Variants in SETD1B observed in about 807,000 individuals in gnomAD.
SETD1B encodes the protein SET domain containing 1B, histone lysine methyltransferase.
SETD1B carries 7 observed loss-of-function variants against 148.0 expected under a neutral mutation model. The observed-to-expected ratio is 0.05, with a 90% CI of 0.03 to 0.09. SETD1B has a LOEUF of 0.09. SETD1B is among the 10% of genes least tolerant of loss of function. The pLI is 1.00. For missense variants in SETD1B, 2,155 were observed against 2,729.9 expected (o/e 0.79, Z 4.69); for synonymous variants, 1,361 against 1,186.5 (o/e 1.15, Z -3.02).
chr12:121,806,162 C>T, intron 4 of SETD1B, 57 bp downstream of exon 4: 2 of 1,522,302 alleles, frequency 1.3e-6, no homozygotes, highest in Middle Eastern at 1.9e-4. Flanking sequence ...CTTTCCCTCC[C>T]CACCCTTCCT....
intron 4 of SETD1B, among the ~76,000 whole-genome samples, chr12:121,807,317 G>A (rs565218515): frequency 6.6e-6 from 1 of 151,882 alleles, no homozygotes; most frequent in Non-Finnish European, 1.5e-5. Flanking sequence ...GGTTGGGGGG[G>A]CAGTGAGGAC....
chr12:121,814,006 C>A, intron 6 of SETD1B, 100 bp from the exon 7 acceptor site: 1 of 989,032 alleles, frequency 1.0e-6, no homozygotes, highest in Non-Finnish European at 1.5e-6. Context: ...CTGGGTCACA[C>A]AGCTGGGAGT....
chr12:121,812,978 A>G (rs187148678), intron 6 of SETD1B, among the ~76,000 whole-genome samples: 3 of 138,536 alleles, frequency 2.2e-5, no homozygotes, highest in African/African-American at 8.1e-5. Context: ...AGGTCCCCCC[A>G]CCCCAAGTCC....
intron 16 of SETD1B, among the ~76,000 whole-genome samples, chr12:121,829,865 T>C (rs1177048100): frequency 2.0e-5 from 3 of 152,284 alleles, no homozygotes; most frequent in South Asian, 4.1e-4. Flanking sequence ...TGGGAAATAA[T>C]TTTTATCATC....
Position 121,814,571 on chromosome 12 carries a change from A to G in SETD1B, c.2356A>G (p.Met786Val). 1.3e-6 allele frequency: 2 copies of G among 1,510,824 alleles called. No homozygotes were observed. Among genetic ancestry groups the G allele is most frequent in the Non-Finnish European group, 1.8e-6 (2 of 1,124,760 alleles). 93.6% of individuals were successfully genotyped at this position (1,510,824 alleles called of 1,614,324 possible). ...QMQTQVLSRL[M>V]TGQGACPYPP... Reference sequence around the variant, plus strand: ...GCAAACGCAGGTGCTCAGCCGGCTGATGACGGGCCAGGGCGCCTGCCCCTA... The same window carrying G: ...GCAAACGCAGGTGCTCAGCCGGCTGGTGACGGGCCAGGGCGCCTGCCCCTA... The change falls in exon 7 of 17, where the codon ATG becomes GTG. Residue 786 changes from methionine (M) to valine (V), a missense_variant. Coordinates refer to ENST00000604567, the MANE Select transcript of SETD1B (RefSeq NM_001353345.2).
At chr12:121,798,869 T>G in the SETD1B span, among the ~76,000 whole-genome samples, 1 of 152,328 alleles carries the variant, frequency 6.6e-6, no homozygotes, top group Non-Finnish European at 1.5e-5. Context: ...GATGGGAAAC[T>G]ATTCAATACA....
chr12:121,819,685 G>A lies in SETD1B; in HGVS notation c.3700G>A (p.Val1234Met). 3.9e-6 allele frequency: 6 copies of A among 1,551,268 alleles called. No individual in the cohort carries two copies. Among genetic ancestry groups the A allele is most frequent in the Non-Finnish European group, 5.2e-6 (6 of 1,147,000 alleles). ...GGACTCGTTGGGCATGGAAGAGGAG[G>A]TGGACATCGAGACTGAGGCTGTGGC... ...AVDSLGMEEE[V>M]DIETEAVAPE... The change falls in exon 11 of 17, where the codon GTG (valine) becomes ATG (methionine). Residue 1234 changes from valine to methionine, a missense_variant. Transcript: ENST00000604567.
Position 121,814,397 on chromosome 12 carries a change from C to A in SETD1B, c.2182C>A (p.Pro728Thr). The change falls in exon 7 of 17, where the codon CCA becomes ACA. Residue 728 changes from proline to threonine, a missense_variant. By Grantham distance (38) the Pro-to-Thr change is conservative. Coordinates refer to ENST00000604567, the MANE Select transcript of SETD1B (RefSeq NM_001353345.2). ...PAHPAVTVPPPPLPAPPGVPP... is the reference protein window; with the variant it reads ...PAHPAVTVPPTPLPAPPGVPP... The stretch of plus-strand genomic sequence containing the variant: ...CCACCCTGCTGTGACAGTGCCCCCA[C>A]CACCCTTGCCAGCGCCGCCTGGAGT... 7.3e-7 allele frequency: 1 copy of A among 1,373,594 alleles called. No individual in the cohort carries two copies. Among genetic ancestry groups the A allele is most frequent in the Non-Finnish European group, 9.6e-7 (1 of 1,046,612 alleles). The allele number at this position is 1,373,594 out of a possible 1,614,324, so 85.1% of individuals were successfully genotyped here.
At chr12:121,807,943 T>G in intron 4 of SETD1B, among the ~76,000 whole-genome samples, 1 of 151,474 alleles carries the variant, frequency 6.6e-6, no homozygotes, top group African/African-American at 2.4e-5. Flanking sequence ...CACCTCTGGG[T>G]TTGGGTTTGG....
At position 121,817,062 on chromosome 12, in the gene SETD1B, G is replaced by C. The variant is rs1194163782; in HGVS notation, c.2745G>C (p.Glu915Asp). ...KASLTPVKSGEHKDEDRPKPK... is the reference protein window; with the variant it reads ...KASLTPVKSGDHKDEDRPKPK... ...CGCTGACCCCGGTGAAGTCGGGCGA[G>C]CACAAGGACGAGGACAGGCCGAAGC... is the stretch of plus-strand genomic sequence containing the variant. Residue 915 changes from glutamate to aspartate, a missense_variant, in exon 8 of 17, where the codon GAG becomes GAC. This residue lies in a region of SETD1B where 289 missense variants were observed against 423.7 expected (regional missense o/e 0.68). Transcript: ENST00000604567. This position sits in a 1 kb window ranked among gnomAD's most constrained non-coding sequence, Gnocchi z 8.1. 6.5e-7 allele frequency: 1 copy of C among 1,537,590 alleles called. No individual in the cohort carries two copies. The highest frequency in any genetic ancestry group is 2.5e-5 in the East Asian group (1 of 40,572).
rs1156354370 is a variant in SETD1B, at chr12:121,805,669, ATT to A, written c.274-157_274-156del. 7.6e-6 allele frequency among the ~76,000 whole-genome samples: 1 copy of A among 131,358 alleles called. No individual in the cohort carries two copies. The highest frequency in any genetic ancestry group is 1.6e-5 in the Non-Finnish European group (1 of 62,474). 86.2% of individuals were successfully genotyped at this position (131,358 alleles called of 152,430 possible). On this transcript the variant is annotated intron_variant, in intron 3 of 16. Coordinates refer to ENST00000604567, the MANE Select transcript of SETD1B (RefSeq NM_001353345.2). This position sits in a 1 kb window ranked among gnomAD's most constrained non-coding sequence, Gnocchi z 4.2. ...CCGCTTCCCGGGCCCGCCCGCGTGC[ATT>A]TTTTTTTTCCAAAAAAAATTTTTTT...
In SETD1B at chr12:121,828,022, C is replaced by T. The variant is rs373413066; in HGVS notation, c.5679C>T (p.Asp1893=). 3.0e-5 allele frequency: 46 copies of T among 1,552,136 alleles called. 1 individual carries two copies. The highest frequency in any genetic ancestry group is 1.7e-4 in the Middle Eastern group (1 of 6,014). ...MFRVDHDTII[D]ATKCGNFARF... ...GGGTGGACCATGACACCATCATCGA[C>T]GCCACCAAGTGCGGCAACTTCGCGC... The change falls in exon 16 of 17, where the codon GAC becomes GAT. Residue 1893 remains aspartate (D), a synonymous_variant. Coordinates refer to ENST00000604567, the MANE Select transcript of SETD1B (RefSeq NM_001353345.2).
At position 121,805,717 on chromosome 12, in the gene SETD1B, T is replaced by C; in HGVS notation, c.274-118T>C. The C allele has an allele frequency of 1.0e-6, 1 of 995,304 alleles. No homozygotes were observed. Among genetic ancestry groups the C allele is most frequent in the Non-Finnish European group, 1.4e-6 (1 of 731,728 alleles). 61.7% of individuals were successfully genotyped at this position (995,304 alleles called of 1,614,324 possible). On this transcript the variant is annotated intron_variant, in intron 3 of 16. Coordinates refer to ENST00000604567, the MANE Select transcript of SETD1B (RefSeq NM_001353345.2). This position sits in a 1 kb window ranked among gnomAD's most constrained non-coding sequence, Gnocchi z 4.2. ...TTTTTTTTTTTTTTAATTTTTAGTT[T>C]TTTTACCCTTTATTGTTTTCAACGG...
At chr12:121,800,342 C>G (rs926326504), upstream of SETD1B, 1 of 152,302 alleles carries the variant, frequency 6.6e-6, no homozygotes, top group Admixed American at 6.5e-5. Flanking sequence ...GCCTCCCGCC[C>G]TGAGTGAGGA....
At position 121,817,910 on chromosome 12, in the gene SETD1B, C is replaced by G; in HGVS notation, c.3418+6C>G. The G allele has an allele frequency of 6.5e-7, 1 of 1,534,058 alleles. No homozygotes were observed. The highest frequency in any genetic ancestry group is 1.2e-5 in the South Asian group (1 of 82,026). On this transcript the variant is annotated splice_donor_region_variant and intron_variant, in intron 10 of 16. Transcript: ENST00000604567. The surrounding 1 kb of genome is among the most constrained non-coding windows in gnomAD (Gnocchi z 8.1). Reference sequence around the variant, plus strand: ...CGAAGGGGACTCGGATGAAGGTGAGCAGGGAGGCCGTGGCTGCCTGGCCCT... The same window carrying G: ...CGAAGGGGACTCGGATGAAGGTGAGGAGGGAGGCCGTGGCTGCCTGGCCCT...
chr12:121,809,528 AGAGT>A, intron 5 of SETD1B, 71 bp from the exon 6 acceptor site: 1 of 1,443,042 alleles, frequency 6.9e-7, no homozygotes, highest in South Asian at 1.4e-5. Flanking sequence ...CCCAGCAGCC[AGAGT>A]GAGAAGGGAA....
chr12:121,822,703 G>A lies in SETD1B; in HGVS notation c.4124G>A (p.Ser1375Asn). 6.5e-7 allele frequency: 1 copy of A among 1,532,366 alleles called. No homozygotes were observed. Among genetic ancestry groups the A allele is most frequent in the Non-Finnish European group, 8.8e-7 (1 of 1,132,892 alleles). The allele number at this position is 1,532,366 out of a possible 1,614,324, so 94.9% of individuals were successfully genotyped here. ...GLCGSLAKSQ[S>N]TETVPATPGG... ...TGTGGCAGCCTGGCCAAGTCGCAGA[G>A]CACAGAGACGGTGCCAGCCACACCA... The change falls in exon 12 of 17, where the codon AGC becomes AAC. Residue 1375 changes from serine to asparagine, a missense_variant. Physicochemically the swap from Ser to Asn is conservative, Grantham distance 46. This residue lies in a region of SETD1B where 862 missense variants were observed against 873.8 expected (regional missense o/e 0.99). Coordinates refer to ENST00000604567, the MANE Select transcript of SETD1B (RefSeq NM_001353345.2).
chr12:121,798,274 G>A, the SETD1B span, among the ~76,000 whole-genome samples: 1 of 152,228 alleles, frequency 6.6e-6, no homozygotes, highest in Non-Finnish European at 1.5e-5. Context: ...CCTGTGGATG[G>A]GGAAAGGCCT....
chr12:121,801,141 G>C (rs1875337894), upstream of SETD1B: 1 of 152,150 alleles, frequency 6.6e-6, no homozygotes, highest in Non-Finnish European at 1.5e-5. Context: ...CGTTGCCAGC[G>C]CAGGCGCGCC....
Sources: gnomAD v4.1 joint callset for allele counts (sites outside exome capture counted in the v4.1 genomes callset) on GRCh38, gnomAD v4.1.1 for gene constraint, gnomAD v4.1.1 regional missense constraint, Gnocchi (gnomAD v3.1) non-coding constraint, MANE v1.5 for transcripts, NCBI Gene and HGNC (gene_info 2026-07-23, HGNC 2026-07-21) for gene names.